HIRA: variants seen among roughly 807,000 people sequenced by gnomAD.
The protein encoded by HIRA is protein HIRA.
HIRA carries 13 observed loss-of-function variants against 126.6 expected under a neutral mutation model. The observed-to-expected ratio is 0.10, with a 90% CI of 0.07 to 0.16. The LOEUF is 0.16. Among genes scored for constraint, HIRA ranks in the 10% least tolerant of loss-of-function variants. The pLI, the probability that HIRA is intolerant of heterozygous loss-of-function variation, is 1.00. For synonymous variants in HIRA, 511 were observed against 520.0 expected, an observed-to-expected ratio of 0.98 and a Z score of 0.24; for missense variants, 834 against 1,314.4, an observed-to-expected ratio of 0.63 and a Z score of 5.65.
intron 24 of HIRA, among the ~76,000 whole-genome samples, chr22:19,335,864 T>C (rs1458167884): frequency 3.9e-5 from 6 of 152,228 alleles, no homozygotes; most frequent in East Asian, 3.9e-4. Context: ...TCAAGTTTCA[T>C]TGAAACCTCT....
chr22:19,351,262 G>T lies in HIRA; in HGVS notation c.2937+96C>A. 6.7e-7 allele frequency: 1 copy of T among 1,503,106 alleles called. No homozygotes were observed. Among genetic ancestry groups the T allele is most frequent in the South Asian group, 1.3e-5 (1 of 75,202 alleles). The allele number at this position is 1,503,106 out of a possible 1,614,324, so 93.1% of individuals were successfully genotyped here. On this transcript the variant is annotated intron_variant, in intron 24 of 24. Transcript: ENST00000263208. The surrounding 1 kb of genome is among the most constrained non-coding windows in gnomAD (Gnocchi z 4.8). ...AGGCTGGGTGCTGGAGAAGTCTAAC[G>T]GGACACAATTTCAAAGCACTTTGGC...
intron 15 of HIRA, among the ~76,000 whole-genome samples, chr22:19,363,650 C>T (rs1235545444): frequency 6.6e-6 from 1 of 152,166 alleles, no homozygotes; most frequent in Non-Finnish European, 1.5e-5. Flanking sequence ...GTAATTCCTA[C>T]ACTTTGGGAG....
chr22:19,355,992 G>T, intron 20 of HIRA, 127 bp from the exon 21 acceptor site: 1 of 748,830 alleles, frequency 1.3e-6, no homozygotes, highest in Non-Finnish European at 2.3e-6. Flanking sequence ...CACTGCCTTG[G>T]CAAATAGGGA....
intron 11 of HIRA, among the ~76,000 whole-genome samples, 183 bp downstream of exon 11, chr22:19,387,528 G>A (rs1356144660): frequency 1.3e-5 from 2 of 152,136 alleles, no homozygotes; most frequent in East Asian, 1.9e-4. Context: ...ATGGGGACTC[G>A]TTTTTTAATT....
rs200522306 is a variant in HIRA at position 19,385,557 on chromosome 22, G to A, written c.1293C>T (p.Gly431=). The A allele has an allele frequency of 8.7e-6, 14 of 1,614,044 alleles. No homozygotes were observed. Among genetic ancestry groups the A allele is most frequent in the African/African-American group, 2.7e-5 (2 of 75,048 alleles). The stretch of plus-strand genomic sequence containing the variant: ...CTTCAAGACTCTCCCCGTTGACAAC[G>A]CCTGCGACTGAGGTGGCTGAGCCCA... ...REMGSATSVA[G]VVNGESLEDI... is the part of the protein sequence containing the mutation. The change falls in exon 12 of 25, where the codon GGC becomes GGT. Residue 431 remains glycine (G), a synonymous_variant. Coordinates refer to ENST00000263208, the MANE Select transcript of HIRA (RefSeq NM_003325.4).
chr22:19,430,477 G>T (rs1601868788), intron 1 of HIRA, among the ~76,000 whole-genome samples: 1 of 152,126 alleles, frequency 6.6e-6, no homozygotes, highest in African/African-American at 2.4e-5. Flanking sequence ...TAAAGAAAAC[G>T]GTAGCACCCT....
intron 1 of HIRA, among the ~76,000 whole-genome samples, chr22:19,419,551 C>A (rs992986714): frequency 2.0e-5 from 3 of 152,204 alleles, no homozygotes; most frequent in East Asian, 1.9e-4. Flanking sequence ...TTTATTTCCT[C>A]GGGAATTTCT....
chr22:19,348,071 G>C (rs1556009467), intron 24 of HIRA, among the ~76,000 whole-genome samples: 2 of 152,208 alleles, frequency 1.3e-5, no homozygotes, highest in African/African-American at 4.8e-5. Context: ...GCGTCAACTG[G>C]AAGTAAACTA....
chr22:19,361,096 G>T, intron 17 of HIRA, 141 bp downstream of exon 17: 2 of 687,242 alleles, frequency 2.9e-6, no homozygotes, highest in Non-Finnish European at 2.6e-6. Context: ...ACCCCGATCT[G>T]CTATGACTTC....
chr22:19,429,507 G>A (rs539111288), intron 1 of HIRA, among the ~76,000 whole-genome samples: 34 of 152,106 alleles, frequency 2.2e-4, no homozygotes, highest in African/African-American at 8.0e-4. Context: ...TTATATCTAC[G>A]CTCCCAACTG....
chr22:19,405,557 C>T, intron 5 of HIRA: 2 of 967,264 alleles, frequency 2.1e-6, no homozygotes, highest in Non-Finnish European at 2.5e-6. Flanking sequence ...AAACATATAC[C>T]CCATGAGGGC....
At chr22:19,398,334 G>C (rs984485958) in intron 5 of HIRA, among the ~76,000 whole-genome samples, 1 of 152,220 alleles carries the variant, frequency 6.6e-6, no homozygotes, top group South Asian at 2.1e-4. Context: ...GCACCATATG[G>C]CACCACACCC....
rs934683707 is a variant in HIRA, at chr22:19,398,177, A to T, written c.398-90T>A. ...GCCAGTGCCCCTGGGACCTGGGACCATCATAACCACTCTGGTATTTTTTAA... is the reference window on the plus strand; with the variant it reads ...GCCAGTGCCCCTGGGACCTGGGACCTTCATAACCACTCTGGTATTTTTTAA... On this transcript the variant is annotated intron_variant, in intron 5 of 24. Coordinates refer to ENST00000263208, the MANE Select transcript of HIRA (RefSeq NM_003325.4). The T allele has an allele frequency of 9.2e-6, 8 of 867,320 alleles. No individual in the cohort carries two copies. In the Middle Eastern group the frequency reaches 6.5e-4, roughly 71 times the overall value. The allele number at this position is 867,320 out of a possible 1,614,324, so 53.7% of individuals were successfully genotyped here.
chr22:19,422,454 A>G (rs1331645481), intron 1 of HIRA, among the ~76,000 whole-genome samples: 1 of 151,886 alleles, frequency 6.6e-6, no homozygotes, highest in African/African-American at 2.4e-5. Flanking sequence ...AGCAGTCAGA[A>G]AGATCTCTAA....
chr22:19,366,814 A>C (rs569192244), intron 15 of HIRA, among the ~76,000 whole-genome samples: 1 of 152,178 alleles, frequency 6.6e-6, no homozygotes, highest in Non-Finnish European at 1.5e-5. Context: ...AGGCTGGAGT[A>C]CAGTGGCACA....
chr22:19,422,889 C>T (rs2089459563), intron 1 of HIRA, among the ~76,000 whole-genome samples: 2 of 152,146 alleles, frequency 1.3e-5, no homozygotes, highest in Admixed American at 6.5e-5. Flanking sequence ...TCCAAAAGAG[C>T]CTATATCCAG....
rs550580903 is a variant in HIRA at position 19,375,420 on chromosome 22, T to A, written c.1775+211A>T. Among the ~76,000 whole-genome samples, 4 of 152,326 alleles carry A rather than the reference T, an allele frequency of 2.6e-5. No individual in the cohort carries two copies. The South Asian group carries it at 8.3e-4, about 32-fold the overall frequency. On this transcript the variant is annotated intron_variant, in intron 15 of 24. Transcript: ENST00000263208. Reference sequence around the variant, plus strand: ...GGTTCTTTTGCCGCGTCCTCCCCCATGACTCCTTCCAGCCACCTTCCCACT... The same window carrying A: ...GGTTCTTTTGCCGCGTCCTCCCCCAAGACTCCTTCCAGCCACCTTCCCACT...
intron 1 of HIRA, among the ~76,000 whole-genome samples, chr22:19,430,534 T>G (rs1175914301): frequency 6.6e-6 from 1 of 151,838 alleles, no homozygotes; most frequent in Non-Finnish European, 1.5e-5. Context: ...AGCATCAGGG[T>G]GACCCTTTGC....
chr22:19,409,796 G>A (rs1261379868), intron 2 of HIRA, among the ~76,000 whole-genome samples: 1 of 152,180 alleles, frequency 6.6e-6, no homozygotes, highest in Non-Finnish European at 1.5e-5. Flanking sequence ...GTACAGGTGC[G>A]AACCCTCTGA....
Sources: gnomAD v4.1 joint callset for allele counts (sites outside exome capture counted in the v4.1 genomes callset) on GRCh38, gnomAD v4.1.1 for gene constraint, Gnocchi (gnomAD v3.1) non-coding constraint, MANE v1.5 for transcripts, NCBI Gene and HGNC (gene_info 2026-07-23, HGNC 2026-07-21) for gene names.